Variants in FOXN3 observed in about 807,000 individuals in gnomAD.
The protein encoded by FOXN3 is forkhead box N3, also known as forkhead box protein N3.
In FOXN3, 7 loss-of-function variants were observed where a neutral mutation model predicts 38.4. The observed-to-expected ratio is 0.18, with a 90% CI of 0.10 to 0.34. FOXN3 has a LOEUF of 0.34. FOXN3 is among the 10% of genes least tolerant of loss of function. The pLI is 1.00. For synonymous variants in FOXN3, 230 were observed against 242.2 expected (o/e 0.95, Z 0.47); for missense variants, 456 against 613.4 (o/e 0.74, Z 2.71).
chr14:89,526,245 TTGTA>T (rs1894430451), intron 1 of FOXN3, among the ~76,000 whole-genome samples: 1 of 152,130 alleles, frequency 6.6e-6, no homozygotes, highest in Admixed American at 6.5e-5. Context: ...CTATTTAATA[TTGTA>T]TTGGAGGTTC....
intron 1 of FOXN3, among the ~76,000 whole-genome samples, chr14:89,460,499 C>G (rs1045583243): frequency 6.6e-6 from 1 of 152,182 alleles, no homozygotes; most frequent in Non-Finnish European, 1.5e-5. Context: ...TCATTTGTCC[C>G]GCTTCTTGTT....
At chr14:89,324,237 T>C (rs977282017) in intron 3 of FOXN3, among the ~76,000 whole-genome samples, 1 of 152,250 alleles carries the variant, frequency 6.6e-6, no homozygotes, top group African/African-American at 2.4e-5. Context: ...CAAAGTTTTC[T>C]GTAACTATTG....
intron 1 of FOXN3, among the ~76,000 whole-genome samples, chr14:89,561,948 G>A (rs150830939): frequency 8.5e-5 from 13 of 152,270 alleles, no homozygotes; most frequent in East Asian, 1.9e-4. Flanking sequence ...CGTCCATGCC[G>A]TTCTAGGCAT....
intron 1 of FOXN3, among the ~76,000 whole-genome samples, chr14:89,565,454 C>G (rs1398473422): frequency 6.6e-6 from 1 of 152,192 alleles, no homozygotes; most frequent in African/African-American, 2.4e-5. Flanking sequence ...AGAAAAAACA[C>G]AGACTCACCC....
At chr14:89,474,821 A>AT (rs1462536865) in intron 1 of FOXN3, among the ~76,000 whole-genome samples, 4 of 151,702 alleles carry the variant, frequency 2.6e-5, no homozygotes, top group African/African-American at 9.7e-5. Flanking sequence ...ATTTATTATT[A>AT]TTATTTTTTC....
chr14:89,325,419 T>C (rs1888052041), intron 3 of FOXN3, among the ~76,000 whole-genome samples: 1 of 144,230 alleles, frequency 6.9e-6, no homozygotes, highest in South Asian at 2.3e-4. Context: ...AGGTCTAACC[T>C]CTAACTCTGC....
intron 1 of FOXN3, among the ~76,000 whole-genome samples, chr14:89,594,471 G>C (rs2139930785): frequency 6.6e-6 from 1 of 152,260 alleles, no homozygotes; most frequent in Middle Eastern, 3.4e-3. Context: ...TTATGAAGTT[G>C]AACAACTTTT....
At chr14:89,352,318 C>CA (rs1302610015) in intron 2 of FOXN3, among the ~76,000 whole-genome samples, 1 of 152,192 alleles carries the variant, frequency 6.6e-6, no homozygotes, top group African/African-American at 2.4e-5. Flanking sequence ...TCAGGGGGAG[C>CA]AGTGAGACTT....
At chr14:89,586,725 C>T (rs1895851093) in intron 1 of FOXN3, among the ~76,000 whole-genome samples, 1 of 152,166 alleles carries the variant, frequency 6.6e-6, no homozygotes, top group African/African-American at 2.4e-5. Context: ...CCCTGACAAA[C>T]CTCAGATTCT....
intron 1 of FOXN3, among the ~76,000 whole-genome samples, chr14:89,413,794 AG>A (rs1891612223): frequency 7.0e-6 from 1 of 142,426 alleles, no homozygotes; most frequent in Non-Finnish European, 1.5e-5. Flanking sequence ...GGGAAGGGAA[AG>A]AAGAAAGGAA....
Position 89,208,899 on chromosome 14 carries a change from A to G in FOXN3, c.746-28093T>C, listed in dbSNP as rs187049033. ...CCTCCACCTGTCTCTTAAACATCAA[A>G]GAAGCTACATCCCAGTGATGCCTTC... On this transcript the variant is annotated intron_variant, in intron 4 of 5. Coordinates refer to ENST00000557258, the MANE Select transcript of FOXN3 (RefSeq NM_005197.4). Among the ~76,000 whole-genome samples, 9 of 152,324 alleles carry G rather than the reference A, an allele frequency of 5.9e-5. No homozygotes were observed. In the East Asian group the frequency reaches 9.7e-4, roughly 16 times the overall value.
chr14:89,399,848 C>T (rs1245066377), intron 2 of FOXN3: 1 of 152,224 alleles, frequency 6.6e-6, no homozygotes, highest in Non-Finnish European at 1.5e-5. Flanking sequence ...AGGAAGCCGC[C>T]ACATCAGTAA....
intron 1 of FOXN3, among the ~76,000 whole-genome samples, chr14:89,533,705 T>C (rs1894625546): frequency 6.8e-6 from 1 of 148,038 alleles, no homozygotes. Flanking sequence ...TAGTGAGTTA[T>C]TTAAGGTGAA....
At chr14:89,393,259 A>G (rs1289265359) in intron 2 of FOXN3, among the ~76,000 whole-genome samples, 1 of 152,172 alleles carries the variant, frequency 6.6e-6, no homozygotes, top group Non-Finnish European at 1.5e-5. Context: ...TCTTTTTATA[A>G]GAATGCCAGT....
intron 2 of FOXN3, among the ~76,000 whole-genome samples, chr14:89,391,449 T>C (rs1355190989): frequency 1.3e-5 from 2 of 152,312 alleles, no homozygotes; most frequent in East Asian, 1.9e-4. Context: ...GCATTCACAG[T>C]TGTGCAAACC....
rs1316219273 is a variant in FOXN3 at position 89,291,528 on chromosome 14, C to T, written c.681-10514G>A. The T allele has an allele frequency of 1.7e-5, 10 of 583,458 alleles. No individual in the cohort carries two copies. The African/African-American group carries it at 1.9e-4, about 11-fold the overall frequency. 36.1% of individuals were successfully genotyped at this position (583,458 alleles called of 1,614,324 possible). A position where few individuals can be genotyped will look rare whatever the true frequency, so the allele number is the denominator to read the frequency against. Reference sequence around the variant, plus strand: ...TCCCCAGGGGGCCTGTGGGACTCTGCAGACAGCGACTCCAGGCAGCTGACA... The same window carrying T: ...TCCCCAGGGGGCCTGTGGGACTCTGTAGACAGCGACTCCAGGCAGCTGACA... On this transcript the variant is annotated intron_variant, in intron 3 of 5. Transcript: ENST00000557258.
intron 2 of FOXN3, among the ~76,000 whole-genome samples, chr14:89,378,376 T>C (rs975093457): frequency 1.3e-5 from 2 of 152,218 alleles, no homozygotes; most frequent in Non-Finnish European, 2.9e-5. Flanking sequence ...ACAGGACTCC[T>C]TCTCTCAGAG....
chr14:89,263,985 A>G (rs1276346835), intron 4 of FOXN3: 1 of 152,096 alleles, frequency 6.6e-6, no homozygotes, highest in Non-Finnish European at 1.5e-5. Flanking sequence ...AACCCAGGAT[A>G]CTGTAGAGGT....
chr14:89,173,808 T>G (rs376765824), intron 5 of FOXN3, among the ~76,000 whole-genome samples: 1 of 152,118 alleles, frequency 6.6e-6, no homozygotes, highest in African/African-American at 2.4e-5. Flanking sequence ...CTGGGCAACA[T>G]GGCAAGATGC....
Sources: allele counts gnomAD v4.1 joint callset (sites outside exome capture counted in the v4.1 genomes callset), GRCh38; gene constraint gnomAD v4.1.1; transcripts MANE v1.5; gene names NCBI Gene and HGNC (gene_info 2026-07-23, HGNC 2026-07-21).